GPC6: variants seen among roughly 807,000 people sequenced by gnomAD.
GPC6 encodes glypican 6, also known as glypican-6.
GPC6 carries 14 observed loss-of-function variants against 55.2 expected under a neutral mutation model. The ratio of observed to expected loss-of-function variants is 0.25; its 90% CI spans 0.17 to 0.40. The LOEUF is 0.40. GPC6 is among the 10% of genes least tolerant of loss of function. The pLI is 1.00. For synonymous variants in GPC6, 278 were observed against 259.6 expected, an observed-to-expected ratio of 1.07 and a Z score of -0.68; for missense variants, 641 against 708.5, an observed-to-expected ratio of 0.90 and a Z score of 1.08.
intron 3 of GPC6, among the ~76,000 whole-genome samples, chr13:93,938,224 C>T (rs552116140): frequency 6.6e-6 from 1 of 152,192 alleles, no homozygotes; most frequent in African/African-American, 2.4e-5. Flanking sequence ...AGAAGCAAAC[C>T]TAATTTGATG....
intron 2 of GPC6, among the ~76,000 whole-genome samples, chr13:93,595,137 C>A (rs1284505423): frequency 1.3e-5 from 2 of 151,966 alleles, no homozygotes; most frequent in African/African-American, 2.4e-5. Flanking sequence ...GACAGGGAAT[C>A]TTTTTAAATT....
At position 93,558,753 on chromosome 13, in the gene GPC6, C is replaced by T. The variant is rs570330010; in HGVS notation, c.319+13332C>T. Among the ~76,000 whole-genome samples, 3 of 152,240 alleles carry T rather than the reference C, an allele frequency of 2.0e-5. No individual in the cohort carries two copies. The Middle Eastern group carries it at 0.01, about 518-fold the overall frequency. ...GTTATGGAGACACAAATTTAAATCC[C>T]TGTTGAACAACGACTAACAGGTTTA... On this transcript the variant is annotated intron_variant, in intron 2 of 8. Transcript: ENST00000377047.
chr13:93,387,699 A>T (rs993410668), intron 1 of GPC6, among the ~76,000 whole-genome samples: 3 of 152,212 alleles, frequency 2.0e-5, no homozygotes, highest in African/African-American at 7.2e-5. Flanking sequence ...TAATATGGAA[A>T]TATTTGATCT....
At chr13:93,911,815 A>G (rs1202934344) in intron 3 of GPC6, among the ~76,000 whole-genome samples, 5 of 152,240 alleles carry the variant, frequency 3.3e-5, no homozygotes, top group Admixed American at 6.5e-5. Context: ...TGTCTAGCTT[A>G]TTAACTGGTT....
At position 94,193,167 on chromosome 13, in the gene GPC6, G is replaced by A. The variant is rs557273131; in HGVS notation, c.878-93182G>A. Among the ~76,000 whole-genome samples, 35 of 152,046 alleles carry A rather than the reference G, an allele frequency of 2.3e-4. No individual in the cohort carries two copies. In the South Asian group the frequency reaches 6.7e-3, roughly 29 times the overall value. ...AATTCAGTCTTCTTTGCCACAATTA[G>A]AGAGGAAACTGTAATTTGAAAGGTT... is the stretch of plus-strand genomic sequence containing the variant. On this transcript the variant is annotated intron_variant, in intron 4 of 8. Coordinates refer to ENST00000377047, the MANE Select transcript of GPC6 (RefSeq NM_005708.5).
At chr13:93,482,602 C>T (rs1353920050) in intron 1 of GPC6, among the ~76,000 whole-genome samples, 3 of 152,176 alleles carry the variant, frequency 2.0e-5, no homozygotes, top group South Asian at 4.1e-4. Flanking sequence ...CTACTTGATT[C>T]ATAGGCCTAA....
chr13:93,636,528 A>G (rs909714629), intron 2 of GPC6, among the ~76,000 whole-genome samples: 1 of 152,180 alleles, frequency 6.6e-6, no homozygotes, highest in African/African-American at 2.4e-5. Flanking sequence ...CTGCGTTGAC[A>G]TTGGACTTGT....
chr13:94,262,205 T>C (rs922800775), intron 4 of GPC6, among the ~76,000 whole-genome samples: 2 of 152,132 alleles, frequency 1.3e-5, no homozygotes, highest in African/African-American at 4.8e-5. Context: ...GGTGGAAGTA[T>C]ATGACATTTG....
At chr13:93,860,479 G>C (rs541640032) in intron 3 of GPC6, among the ~76,000 whole-genome samples, 2 of 151,568 alleles carry the variant, frequency 1.3e-5, no homozygotes, top group South Asian at 4.2e-4. Context: ...TATAATTTCA[G>C]TTAACTCATA....
chr13:93,255,185 A>AT (rs1360167065), intron 1 of GPC6, among the ~76,000 whole-genome samples: 1 of 152,108 alleles, frequency 6.6e-6, no homozygotes, highest in Non-Finnish European at 1.5e-5. Flanking sequence ...ATTACCCCAG[A>AT]TTTTTTTCTT....
chr13:94,061,967 G>A (rs146362843), intron 4 of GPC6, among the ~76,000 whole-genome samples: 128 of 152,152 alleles, frequency 8.4e-4, no homozygotes, highest in East Asian at 5.8e-3. Flanking sequence ...GGCAAATCTC[G>A]ATTCTCTTAC....
intron 6 of GPC6, among the ~76,000 whole-genome samples, chr13:94,345,378 C>A (rs959070715): frequency 1.3e-5 from 2 of 152,108 alleles, no homozygotes; most frequent in East Asian, 3.9e-4. Flanking sequence ...AAAAGTCATA[C>A]TTACTTTGCA....
chr13:93,617,596 G>A (rs1878777131), intron 2 of GPC6, among the ~76,000 whole-genome samples: 1 of 151,844 alleles, frequency 6.6e-6, no homozygotes, highest in Non-Finnish European at 1.5e-5. Flanking sequence ...AAAATCACTG[G>A]GTTTAATTCT....
intron 2 of GPC6, among the ~76,000 whole-genome samples, chr13:93,645,074 G>T (rs1378130467): frequency 1.3e-5 from 2 of 152,110 alleles, no homozygotes; most frequent in Non-Finnish European, 2.9e-5. Flanking sequence ...GGAGAAAGAG[G>T]ATAAGAATCA....
At chr13:93,577,859 C>T (rs944364148) in intron 2 of GPC6, among the ~76,000 whole-genome samples, 3 of 151,874 alleles carry the variant, frequency 2.0e-5, no homozygotes, top group Admixed American at 1.3e-4. Context: ...GTCAACAGGC[C>T]TTTATTATGT....
intron 3 of GPC6, among the ~76,000 whole-genome samples, chr13:93,908,471 C>T (rs1008142094): frequency 6.6e-5 from 10 of 152,116 alleles, no homozygotes; most frequent in Admixed American, 1.3e-4. Flanking sequence ...AAAGCCAGTG[C>T]GAAATCAAGC....
chr13:93,722,089 A>G lies in GPC6; in HGVS notation c.320-108065A>G, dbSNP rs536493379. 1.4e-4 allele frequency among the ~76,000 whole-genome samples: 22 copies of G among 151,878 alleles called. No homozygotes were observed. In the South Asian group the frequency reaches 3.9e-3, roughly 27 times the overall value. On this transcript the variant is annotated intron_variant, in intron 2 of 8. Coordinates refer to ENST00000377047, the MANE Select transcript of GPC6 (RefSeq NM_005708.5). The stretch of plus-strand genomic sequence containing the variant: ...CTTCACTTAAGTACTTTAATAAATA[A>G]CATTGTTTTATGGTATTCTTAATAA...
At chr13:93,374,905 G>A (rs1874822437) in intron 1 of GPC6, among the ~76,000 whole-genome samples, 1 of 152,050 alleles carries the variant, frequency 6.6e-6, no homozygotes, top group African/African-American at 2.4e-5. Context: ...TTTACCTTAT[G>A]GCCTGAGACA....
chr13:93,503,677 G>A (rs79663347), intron 1 of GPC6, among the ~76,000 whole-genome samples: 2,243 of 152,262 alleles, frequency 0.015, 50 homozygotes, highest in African/African-American at 0.046. Context: ...ATCTTATGTG[G>A]TGGGGGGACT....
Sources: gnomAD v4.1 joint callset for allele counts (sites outside exome capture counted in the v4.1 genomes callset) on GRCh38, gnomAD v4.1.1 for gene constraint, MANE v1.5 for transcripts, NCBI Gene and HGNC (gene_info 2026-07-23, HGNC 2026-07-21) for gene names.